KCNH8: variants seen among roughly 807,000 people sequenced by gnomAD.
KCNH8 encodes potassium voltage-gated channel subfamily H member 8, also known as voltage-gated delayed rectifier potassium channel KCNH8.
KCNH8 carries 70 observed loss-of-function variants against 103.6 expected under a neutral mutation model. The observed-to-expected ratio is 0.68, with a 90% confidence interval of 0.56 to 0.82. The LOEUF is 0.82. KCNH8 is among the 40% of genes least tolerant of loss of function. The pLI is 0.00. For synonymous variants in KCNH8, 498 were observed against 489.4 expected (o/e 1.02, Z -0.23); for missense variants, 1,217 against 1,329.9 (o/e 0.92, Z 1.32).
At chr3:19,229,253 A>T (rs943854760) in intron 1 of KCNH8, among the ~76,000 whole-genome samples, 1 of 152,222 alleles carries the variant, frequency 6.6e-6, no homozygotes, top group Non-Finnish European at 1.5e-5. Flanking sequence ...CAGCTCCACT[A>T]GGTGGTGCCC....
intron 1 of KCNH8, among the ~76,000 whole-genome samples, chr3:19,199,240 A>G (rs1008854519): frequency 6.6e-6 from 1 of 152,044 alleles, no homozygotes; most frequent in Non-Finnish European, 1.5e-5. Context: ...ACTTAATTCT[A>G]CCCTTTGTTT....
chr3:19,439,140 C>A (rs1319625523), intron 8 of KCNH8, among the ~76,000 whole-genome samples: 1 of 152,118 alleles, frequency 6.6e-6, no homozygotes, highest in African/African-American at 2.4e-5. Flanking sequence ...GGAATGAAAG[C>A]CCCAAATACA....
rs17005866 is a variant in KCNH8, at chr3:19,358,552, T to G, written c.811+10587T>G. ...TGATAAAATATGTTGACAAATTAGA[T>G]TAACCATTGGGTGAAAATAAACAAT... On this transcript the variant is annotated intron_variant, in intron 5 of 15. Coordinates refer to ENST00000328405, the MANE Select transcript of KCNH8 (RefSeq NM_144633.3). Among the ~76,000 whole-genome samples the G allele has an allele frequency of 5.3e-3, 809 of 152,046 alleles. 10 individuals are homozygous for G. The highest frequency in any genetic ancestry group is 0.018 in the African/African-American group (749 of 41,528).
chr3:19,468,833 A>G (rs2067796697), intron 11 of KCNH8, among the ~76,000 whole-genome samples: 2 of 152,214 alleles, frequency 1.3e-5, no homozygotes, highest in Non-Finnish European at 2.9e-5. Flanking sequence ...AAGCCTGACT[A>G]GATCTTTCGA....
chr3:19,364,100 C>G (rs1332247064), intron 5 of KCNH8, among the ~76,000 whole-genome samples: 1 of 152,094 alleles, frequency 6.6e-6, no homozygotes, highest in Admixed American at 6.6e-5. Context: ...CTCTCTTCCT[C>G]TTTAAATCTC....
chr3:19,375,974 G>T (rs1423250632), intron 5 of KCNH8, among the ~76,000 whole-genome samples: 2 of 152,134 alleles, frequency 1.3e-5, no homozygotes. Context: ...CTCCAGCTGT[G>T]TGCTGGGAGA....
At chr3:19,380,660 A>T (rs1476933306) in intron 5 of KCNH8, among the ~76,000 whole-genome samples, 1 of 152,122 alleles carries the variant, frequency 6.6e-6, no homozygotes, top group African/African-American at 2.4e-5. Context: ...CGTAAACCCT[A>T]TTTTGCTTCC....
intron 1 of KCNH8, among the ~76,000 whole-genome samples, chr3:19,169,255 C>CTTTTTTTTTTTTT (rs768036667): frequency 8.0e-6 from 1 of 124,964 alleles, no homozygotes; most frequent in Admixed American, 8.1e-5. Flanking sequence ...TTCTTTCTTT[C>CTTTTTTTTTTTTT]TTTTTTTTTT....
intron 11 of KCNH8, among the ~76,000 whole-genome samples, chr3:19,499,311 T>G (rs955249870): frequency 6.6e-6 from 1 of 152,186 alleles, no homozygotes; most frequent in South Asian, 2.1e-4. Flanking sequence ...AATCTACGTC[T>G]GATTGATGTA....
chr3:19,353,021 GA>G (rs997334525), intron 5 of KCNH8, among the ~76,000 whole-genome samples: 3 of 151,082 alleles, frequency 2.0e-5, no homozygotes, highest in Non-Finnish European at 3.0e-5. Context: ...GAGAAGAATT[GA>G]ATAGTCGCAA....
chr3:19,215,583 T>C (rs762303632), intron 1 of KCNH8, among the ~76,000 whole-genome samples: 1 of 152,218 alleles, frequency 6.6e-6, no homozygotes, highest in Non-Finnish European at 1.5e-5. Context: ...TGTTTTGATT[T>C]TGTGGTTTGT....
chr3:19,458,907 T>C (rs2125190410), intron 11 of KCNH8, among the ~76,000 whole-genome samples: 1 of 152,190 alleles, frequency 6.6e-6, no homozygotes, highest in South Asian at 2.1e-4. Context: ...GTTTCATCCA[T>C]GTTGTGGCAA....
chr3:19,325,576 A>G (rs574488794), intron 3 of KCNH8, among the ~76,000 whole-genome samples: 2 of 152,342 alleles, frequency 1.3e-5, no homozygotes, highest in African/African-American at 4.8e-5. Context: ...GCCAACAGTC[A>G]TGAATAAAAG....
chr3:19,512,021 A>AT, intron 12 of KCNH8, among the ~76,000 whole-genome samples: 1 of 152,198 alleles, frequency 6.6e-6, no homozygotes, highest in Non-Finnish European at 1.5e-5. Flanking sequence ...AATCTTAGGG[A>AT]TTTTCAGTTC....
chr3:19,327,124 C>T (rs937582889), intron 3 of KCNH8, among the ~76,000 whole-genome samples: 11 of 152,112 alleles, frequency 7.2e-5, no homozygotes, highest in East Asian at 3.9e-4. Context: ...ATGGAAGCTG[C>T]GTAAGTCCAG....
At chr3:19,166,445 A>C (rs1177572881) in intron 1 of KCNH8, among the ~76,000 whole-genome samples, 1 of 152,256 alleles carries the variant, frequency 6.6e-6, no homozygotes, top group Non-Finnish European at 1.5e-5. Flanking sequence ...TTTTACAAGA[A>C]TATAAGCTAA....
intron 1 of KCNH8, among the ~76,000 whole-genome samples, chr3:19,154,092 A>G (rs2063157478): frequency 6.6e-6 from 1 of 152,230 alleles, no homozygotes; most frequent in African/African-American, 2.4e-5. Context: ...GTAATTCAGA[A>G]GGTGCAGACA....
intron 7 of KCNH8, among the ~76,000 whole-genome samples, chr3:19,397,549 A>ATG (rs113719669): frequency 2.3e-4 from 34 of 150,216 alleles, no homozygotes; most frequent in African/African-American, 3.7e-4. Flanking sequence ...ATATATATAT[A>ATG]TGTGTGTATA....
chr3:19,436,391 G>A (rs528383575), intron 7 of KCNH8, among the ~76,000 whole-genome samples: 40 of 152,272 alleles, frequency 2.6e-4, no homozygotes, highest in African/African-American at 9.1e-4. Flanking sequence ...TGGTTAAATA[G>A]CATCTTCTGT....
Sources: gnomAD v4.1 joint callset for allele counts (sites outside exome capture counted in the v4.1 genomes callset) on GRCh38, gnomAD v4.1.1 for gene constraint, MANE v1.5 for transcripts, NCBI Gene and HGNC (gene_info 2026-07-23, HGNC 2026-07-21) for gene names.